ZMIZ1: variants seen among roughly 807,000 people sequenced by gnomAD.
The protein encoded by ZMIZ1 is zinc finger MIZ domain-containing protein 1.
ZMIZ1 carries 17 observed loss-of-function variants against 113.9 expected under a neutral mutation model. That is an observed-to-expected ratio of 0.15 (90% CI 0.10 to 0.22). ZMIZ1 has a LOEUF of 0.22. Ranked by LOEUF, ZMIZ1 falls within the 10% of genes least tolerant of loss-of-function variation. The pLI, the probability that ZMIZ1 is intolerant of heterozygous loss-of-function variation, is 1.00. For missense variants in ZMIZ1, 1,059 were observed against 1,477.8 expected (o/e 0.72, Z 4.65); for synonymous variants, 607 against 603.1 (o/e 1.01, Z -0.09).
intron 3 of ZMIZ1, among the ~76,000 whole-genome samples, chr10:79,154,766 T>TG (rs937660956): frequency 2.6e-4 from 40 of 152,128 alleles, no homozygotes; most frequent in Non-Finnish European, 4.9e-4. Context: ...AGCCCAGCTG[T>TG]GGGGGTCTAT....
intron 7 of ZMIZ1, among the ~76,000 whole-genome samples, chr10:79,264,066 G>A (rs1476826957): frequency 2.0e-5 from 3 of 152,222 alleles, no homozygotes; most frequent in Non-Finnish European, 2.9e-5. Context: ...AATTACATGC[G>A]GAATGGAAAG....
intron 3 of ZMIZ1, among the ~76,000 whole-genome samples, chr10:79,148,705 C>T (rs1845590877): frequency 6.6e-6 from 1 of 152,206 alleles, no homozygotes; most frequent in African/African-American, 2.4e-5. Flanking sequence ...TGTATGTCCC[C>T]AGCCTCAGCT....
chr10:79,227,648 T>A (rs200218146), intron 7 of ZMIZ1, among the ~76,000 whole-genome samples: 1 of 152,252 alleles, frequency 6.6e-6, no homozygotes, highest in East Asian at 1.9e-4. Flanking sequence ...TGAGAAATTT[T>A]ATTCCAGCCT....
chr10:79,077,712 T>C (rs1842521950), intron 1 of ZMIZ1, among the ~76,000 whole-genome samples: 1 of 152,230 alleles, frequency 6.6e-6, no homozygotes, highest in African/African-American at 2.4e-5. Flanking sequence ...GGGCAAGTAA[T>C]GTTTAACTTC....
chr10:79,212,629 G>A (rs768612928), intron 6 of ZMIZ1, among the ~76,000 whole-genome samples: 1 of 152,064 alleles, frequency 6.6e-6, no homozygotes, highest in Non-Finnish European at 1.5e-5. Context: ...GGTGGCACAC[G>A]CCTGTAATCC....
At chr10:79,181,158 C>T (rs1241317340) in intron 4 of ZMIZ1, among the ~76,000 whole-genome samples, 2 of 152,110 alleles carry the variant, frequency 1.3e-5, no homozygotes, top group African/African-American at 2.4e-5. Flanking sequence ...CTAGAGCAGG[C>T]TTGGGCAGGA....
chr10:79,243,665 G>C, intron 7 of ZMIZ1: 1 of 300,554 alleles, frequency 3.3e-6, no homozygotes, highest in Non-Finnish European at 6.6e-6. Context: ...GGAGTCGCTC[G>C]CCGCGGCCGC....
chr10:79,152,952 T>C (rs953069220), intron 3 of ZMIZ1, among the ~76,000 whole-genome samples: 1 of 152,246 alleles, frequency 6.6e-6, no homozygotes, highest in African/African-American at 2.4e-5. Flanking sequence ...AAACCCACCA[T>C]GGGGGTCCAG....
At chr10:79,084,693 C>T (rs996728078) in intron 1 of ZMIZ1, among the ~76,000 whole-genome samples, 4 of 152,172 alleles carry the variant, frequency 2.6e-5, no homozygotes, top group African/African-American at 7.2e-5. Context: ...GGTCCTTTGC[C>T]CTCTTTGAGC....
intron 22 of ZMIZ1, 90 bp from the exon 23 acceptor site, chr10:79,307,315 G>A: frequency 7.5e-7 from 1 of 1,341,626 alleles, no homozygotes; most frequent in Non-Finnish European, 1.0e-6. Flanking sequence ...AAAAGGACTT[G>A]GCTTGTATTT....
chr10:79,179,539 C>T (rs548292752), intron 4 of ZMIZ1, among the ~76,000 whole-genome samples: 1 of 152,354 alleles, frequency 6.6e-6, no homozygotes, highest in African/African-American at 2.4e-5. Flanking sequence ...TGGCACTGCC[C>T]AGCCACATGC....
intron 24 of ZMIZ1, 50 bp from the exon 25 acceptor site, chr10:79,312,592 C>G: frequency 1.2e-6 from 2 of 1,602,752 alleles, no homozygotes; most frequent in Non-Finnish European, 1.7e-6. Flanking sequence ...CACCCGGGGC[C>G]TGCCTCTCAG....
At chr10:79,238,409 C>T (rs916987332) in intron 7 of ZMIZ1, among the ~76,000 whole-genome samples, 1 of 152,164 alleles carries the variant, frequency 6.6e-6, no homozygotes, top group African/African-American at 2.4e-5. Context: ...TGGCAGGAGG[C>T]TAAGAGGCAT....
intron 6 of ZMIZ1, among the ~76,000 whole-genome samples, chr10:79,213,647 GC>G (rs1206763383): frequency 1.3e-5 from 2 of 152,168 alleles, no homozygotes; most frequent in Admixed American, 1.3e-4. Context: ...GGGGACTTTT[GC>G]CTTCCTGCCC....
At chr10:79,162,657 A>G (rs1407611372) in intron 4 of ZMIZ1, among the ~76,000 whole-genome samples, 2 of 152,200 alleles carry the variant, frequency 1.3e-5, no homozygotes, top group Non-Finnish European at 2.9e-5. Context: ...CCATCTATCA[A>G]ATGGGAATGA....
At chr10:79,246,177 C>T (rs1346535154) in intron 7 of ZMIZ1, among the ~76,000 whole-genome samples, 1 of 152,262 alleles carries the variant, frequency 6.6e-6, no homozygotes, top group Non-Finnish European at 1.5e-5. Context: ...AAGAGGGTGG[C>T]ATGAGTCCCA....
chr10:79,125,677 G>A (rs1457443926), intron 2 of ZMIZ1, among the ~76,000 whole-genome samples: 1 of 152,232 alleles, frequency 6.6e-6, no homozygotes, highest in East Asian at 1.9e-4. Flanking sequence ...CTTGCAGCAA[G>A]TAATAGACAC....
chr10:79,257,735 G>C (rs1851011117), intron 7 of ZMIZ1, among the ~76,000 whole-genome samples: 2 of 152,250 alleles, frequency 1.3e-5, no homozygotes, highest in South Asian at 4.1e-4. Context: ...CAGGTGTCCA[G>C]TGGAAAGACG....
At chr10:79,191,381 G>T (rs1045976079) in intron 4 of ZMIZ1, among the ~76,000 whole-genome samples, 4 of 151,744 alleles carry the variant, frequency 2.6e-5, no homozygotes, top group African/African-American at 9.7e-5. Flanking sequence ...GTCGGGGGGG[G>T]TCCTGCCTCT....
Sources: allele counts gnomAD v4.1 joint callset (sites outside exome capture counted in the v4.1 genomes callset), GRCh38; gene constraint gnomAD v4.1.1; transcripts MANE v1.5; gene names NCBI Gene and HGNC (gene_info 2026-07-23, HGNC 2026-07-21).